The following AGAP1 variants were observed in gnomAD, a reference collection of about 807,000 sequenced individuals.
The protein encoded by AGAP1 is arf-GAP with GTPase, ANK repeat and PH domain-containing protein 1.
A neutral mutation model predicts 105.3 loss-of-function variants in AGAP1; 29 were observed. That is an observed-to-expected ratio of 0.28 (90% confidence interval 0.21 to 0.38). AGAP1 has a LOEUF of 0.38. AGAP1 is among the 10% of genes least tolerant of loss of function. The probability of loss-of-function intolerance (pLI) is 1.00; values close to 1 mark genes in which losing one functional copy is unlikely to be tolerated. For synonymous variants in AGAP1, 509 were observed against 485.9 expected (o/e 1.05, Z -0.63); for missense variants, 998 against 1,165.1 (o/e 0.86, Z 2.09).
In AGAP1 at chr2:235,769,540, G is replaced by A. The variant is rs1232583903; in HGVS notation, c.673+19052G>A. ...GGGCAGGCCCTTTGCCCAAATGGTT[G>A]TTAAAGAAATGCAAACAGTTAGTTG... On this transcript the variant is annotated intron_variant, in intron 6 of 17. Coordinates refer to ENST00000304032, the MANE Select transcript of AGAP1 (RefSeq NM_001037131.3). The surrounding 1 kb of genome is among the most constrained non-coding windows in gnomAD (Gnocchi z 4.4). 1.3e-5 allele frequency among the ~76,000 whole-genome samples: 2 copies of A among 152,234 alleles called. No individual in the cohort carries two copies. Among genetic ancestry groups the A allele is most frequent in the African/African-American group, 4.8e-5 (2 of 41,462 alleles).
At position 235,917,370 on chromosome 2, in the gene AGAP1, C is replaced by A. The variant is rs370576835; in HGVS notation, c.1324+8464C>A. On this transcript the variant is annotated intron_variant, in intron 11 of 17. Coordinates refer to ENST00000304032, the MANE Select transcript of AGAP1 (RefSeq NM_001037131.3). ...GGACATCCAGCAAACCCATAAAAAA[C>A]CAAACTAATAGCATGAATATTCAGT... is the stretch of plus-strand genomic sequence containing the variant. Among the ~76,000 whole-genome samples, 338 of 152,256 alleles carry A rather than the reference C, an allele frequency of 2.2e-3. 3 individuals carry two copies. Among genetic ancestry groups the A allele is most frequent in the African/African-American group, 7.4e-3 (307 of 41,534 alleles).
rs552539031 is a variant in AGAP1 at position 235,905,107 on chromosome 2, G to C, written c.1156-3631G>C. ...TTTCGAATCTGGAGAGCAGACACTT[G>C]GTACATTTCTATAATAATTTTAAAT... On this transcript the variant is annotated intron_variant, in intron 10 of 17. Transcript: ENST00000304032. This position sits in a 1 kb window ranked among gnomAD's most constrained non-coding sequence, Gnocchi z 4.2. Among the ~76,000 whole-genome samples, 283 of 151,946 alleles carry C rather than the reference G, an allele frequency of 1.9e-3. 2 individuals are homozygous for C. The highest frequency in any genetic ancestry group is 6.6e-3 in the African/African-American group (275 of 41,412).
At chr2:235,680,147 C>T (rs1948984141) in intron 1 of AGAP1, among the ~76,000 whole-genome samples, 1 of 152,226 alleles carries the variant, frequency 6.6e-6, no homozygotes, top group Non-Finnish European at 1.5e-5. Flanking sequence ...AGCTGGCCCC[C>T]TGGCTGACCT....
chr2:235,937,955 G>A (rs2053071580), intron 12 of AGAP1, among the ~76,000 whole-genome samples: 1 of 152,252 alleles, frequency 6.6e-6, no homozygotes, highest in South Asian at 2.1e-4. Context: ...TTGCTGCGTT[G>A]CACAGTAATT....
At chr2:235,763,855 G>T (rs987918861) in intron 6 of AGAP1, among the ~76,000 whole-genome samples, 6 of 152,224 alleles carry the variant, frequency 3.9e-5, no homozygotes, top group African/African-American at 1.4e-4. Flanking sequence ...TCCTGAGGAT[G>T]ACACGTGGGA....
chr2:236,008,962 G>A (rs911732554), intron 13 of AGAP1, among the ~76,000 whole-genome samples: 1 of 152,170 alleles, frequency 6.6e-6, no homozygotes, highest in Non-Finnish European at 1.5e-5. Flanking sequence ...AACTGATCAC[G>A]GCAAAGTTAT....
intron 11 of AGAP1, among the ~76,000 whole-genome samples, chr2:235,920,617 G>T (rs1408842820): frequency 4.6e-5 from 7 of 152,198 alleles, no homozygotes. Flanking sequence ...AGTACTCACA[G>T]AGGGAATGAA....
Position 235,556,201 on chromosome 2 carries a change from C to T in AGAP1, c.163+61352C>T, listed in dbSNP as rs917471660. Among the ~76,000 whole-genome samples the T allele has an allele frequency of 6.6e-6, 1 of 152,202 alleles. No homozygotes were observed. The highest frequency in any genetic ancestry group is 1.5e-5 in the Non-Finnish European group (1 of 68,032). ...CACCTGCAGCAGCTCCTCAGAGCTG[C>T]CCCCTCATGCCTTGGCCAATCACAG... On this transcript the variant is annotated intron_variant, in intron 1 of 17. Transcript: ENST00000304032. The surrounding 1 kb of genome is among the most constrained non-coding windows in gnomAD (Gnocchi z 5.3).
rs1950241460 is a variant in AGAP1, at chr2:235,701,163, T to C, written c.164-8016T>C. Among the ~76,000 whole-genome samples, 3 of 150,136 alleles carry C rather than the reference T, an allele frequency of 2.0e-5. No individual in the cohort carries two copies. The highest frequency in any genetic ancestry group is 6.7e-5 in the Admixed American group (1 of 14,980). On this transcript the variant is annotated intron_variant, in intron 1 of 17. Coordinates refer to ENST00000304032, the MANE Select transcript of AGAP1 (RefSeq NM_001037131.3). This position sits in a 1 kb window ranked among gnomAD's most constrained non-coding sequence, Gnocchi z 4.1. ...TGATATGCTCTATTTAGTGTATATT[T>C]TATATATTTATATATATGGGGGGGT...
In AGAP1 at chr2:235,737,636, C is replaced by T. The variant is rs746374951; in HGVS notation, c.311-3327C>T. ...TAGAGGAAGCAAAGGAGAGGATGGA[C>T]GTGAAATCCGTCCTATGCATGCTCA... is the stretch of plus-strand genomic sequence containing the variant. On this transcript the variant is annotated intron_variant, in intron 3 of 17. Coordinates refer to ENST00000304032, the MANE Select transcript of AGAP1 (RefSeq NM_001037131.3). The surrounding 1 kb of genome is among the most constrained non-coding windows in gnomAD (Gnocchi z 4.5). Among the ~76,000 whole-genome samples the T allele has an allele frequency of 1.3e-5, 2 of 152,176 alleles. No individual in the cohort carries two copies. Among genetic ancestry groups the T allele is most frequent in the Non-Finnish European group, 2.9e-5 (2 of 68,040 alleles).
intron 9 of AGAP1, among the ~76,000 whole-genome samples, chr2:235,833,380 A>C (rs532809214): frequency 5.3e-5 from 8 of 152,334 alleles, no homozygotes. Flanking sequence ...ATGTACATGG[A>C]CAAAAACGTA....
intron 11 of AGAP1, among the ~76,000 whole-genome samples, chr2:235,910,800 C>T (rs558686609): frequency 3.3e-5 from 5 of 152,234 alleles, no homozygotes; most frequent in Non-Finnish European, 7.4e-5. Context: ...GCCTGTAATT[C>T]CAGCTACTCA....
chr2:235,759,787 C>T (rs923184913), intron 6 of AGAP1, among the ~76,000 whole-genome samples: 32 of 152,066 alleles, frequency 2.1e-4, no homozygotes, highest in Non-Finnish European at 3.2e-4. Context: ...TATGCATTTT[C>T]GAATTCAGTT....
intron 11 of AGAP1, among the ~76,000 whole-genome samples, chr2:235,915,391 T>C (rs1037668980): frequency 2.0e-5 from 3 of 152,186 alleles, no homozygotes; most frequent in Admixed American, 1.3e-4. Context: ...GAGCACGTGT[T>C]TGGCCCAGCG....
At chr2:235,637,373 A>T (rs1486792561) in intron 1 of AGAP1, among the ~76,000 whole-genome samples, 1 of 152,062 alleles carries the variant, frequency 6.6e-6, no homozygotes, top group African/African-American at 2.4e-5. Flanking sequence ...CCTGGGTTCA[A>T]GTGATCCTTC....
rs1213277726 is a variant in AGAP1 at position 235,927,870 on chromosome 2, CT to C, written c.1325-2890del. Among the ~76,000 whole-genome samples, 1 of 152,172 alleles carries C rather than the reference CT, an allele frequency of 6.6e-6. No homozygotes were observed. Among genetic ancestry groups the C allele is most frequent in the Non-Finnish European group, 1.5e-5 (1 of 68,032 alleles). ...GGGACAGACAGACACAGTGAAATTC[CT>C]TTTTGTTTTTCAGGTATTTGGACCT... On this transcript the variant is annotated intron_variant, in intron 11 of 17. Coordinates refer to ENST00000304032, the MANE Select transcript of AGAP1 (RefSeq NM_001037131.3). The surrounding 1 kb of genome is among the most constrained non-coding windows in gnomAD (Gnocchi z 4.4).
chr2:236,066,385 C>T (rs1202396912), intron 16 of AGAP1, among the ~76,000 whole-genome samples: 1 of 152,096 alleles, frequency 6.6e-6, no homozygotes, highest in Non-Finnish European at 1.5e-5. Flanking sequence ...GCCACCACGC[C>T]CAGTTCATTT....
intron 16 of AGAP1, among the ~76,000 whole-genome samples, chr2:236,059,496 G>A (rs895096548): frequency 6.6e-5 from 10 of 152,226 alleles, no homozygotes; most frequent in East Asian, 1.9e-4. Context: ...GTAAGAGACC[G>A]TCAAATATCA....
At position 235,675,045 on chromosome 2, in the gene AGAP1, AAAAC is replaced by A. The variant is rs1022060246; in HGVS notation, c.164-34128_164-34125del. 3.8e-4 allele frequency among the ~76,000 whole-genome samples: 58 copies of A among 151,960 alleles called. 1 individual carries two copies. Among genetic ancestry groups the A allele is most frequent in the Non-Finnish European group, 6.5e-4 (44 of 67,980 alleles). ...TATATTTTTATTTTTTAAACCATTT[AAAAC>A]AAACAGCCTTCAGTGGAGAACGTGA... On this transcript the variant is annotated intron_variant, in intron 1 of 17. Coordinates refer to ENST00000304032, the MANE Select transcript of AGAP1 (RefSeq NM_001037131.3).
Sources: allele counts gnomAD v4.1 joint callset (sites outside exome capture counted in the v4.1 genomes callset), GRCh38; gene constraint gnomAD v4.1.1; non-coding constraint Gnocchi (gnomAD v3.1); transcripts MANE v1.5; gene names NCBI Gene and HGNC (gene_info 2026-07-23, HGNC 2026-07-21).